BTD: variants seen among roughly 807,000 people sequenced by gnomAD.
The protein encoded by BTD is biocytinase.
In BTD, 13 loss-of-function variants were observed where a neutral mutation model predicts 17.7. That is an observed-to-expected ratio of 0.74 (90% CI 0.48 to 1.17). BTD has a LOEUF of 1.17. Ranked by LOEUF, BTD falls within the 50% of genes most tolerant of loss-of-function variation. The probability of loss-of-function intolerance (pLI) is 0.00; values close to 1 mark genes in which losing one functional copy is unlikely to be tolerated. For synonymous variants in BTD, 240 were observed against 245.2 expected (o/e 0.98, Z 0.20); for missense variants, 674 against 650.4 (o/e 1.04, Z -0.39).
At chr3:15,709,827 A>G in intron 3 of BTD, 1 of 750,126 alleles carries the variant, frequency 1.3e-6, no homozygotes, top group Non-Finnish European at 2.1e-6. Flanking sequence ...GCATGTTTTT[A>G]TATGAAGATA....
chr3:15,696,238 C>T lies in BTD; in HGVS notation c.400-13822C>T, dbSNP rs1339621043. ...TTTGCATCGTTTCTTAATAAGTATT[C>T]CAGGCACCTATATACAACAACAACA... On this transcript the variant is annotated intron_variant, in intron 3 of 3. Transcript: ENST00000672141. The T allele has an allele frequency of 3.2e-6, 5 of 1,568,208 alleles. No individual in the cohort carries two copies. In the South Asian group the frequency reaches 5.8e-5, roughly 18 times the overall value.
rs2064268135 is a variant in BTD at position 15,601,969 on chromosome 3, A to C, written c.-17+75A>C. On this transcript the variant is annotated intron_variant, in intron 1 of 3. Transcript: ENST00000643237. ...GGTCCAGACCCCGCCCCGGGCGCCC[A>C]GTTGGACTTGGGGAGGGCTGCGCAA... 6.9e-6 allele frequency: 11 copies of C among 1,589,656 alleles called. No homozygotes were observed. In the South Asian group the frequency reaches 1.2e-4, roughly 18 times the overall value.
intron 3 of BTD, among the ~76,000 whole-genome samples, chr3:15,702,285 T>A (rs1301033249): frequency 6.6e-6 from 1 of 152,220 alleles, no homozygotes; most frequent in Non-Finnish European, 1.5e-5. Flanking sequence ...GTAAGTTAAC[T>A]AGGGTGCTTA....
At chr3:15,682,612 G>T (rs927566479) in intron 3 of BTD, among the ~76,000 whole-genome samples, 12 of 152,108 alleles carry the variant, frequency 7.9e-5, no homozygotes, top group African/African-American at 2.9e-4. Flanking sequence ...TGAACTTTTA[G>T]TATCTACAGC....
chr3:15,603,062 C>T (rs756497142), intron 1 of BTD, among the ~76,000 whole-genome samples: 1 of 152,126 alleles, frequency 6.6e-6, no homozygotes, highest in Non-Finnish European at 1.5e-5. Context: ...GACTTACTAT[C>T]ATTAGAACAG....
intron 3 of BTD, among the ~76,000 whole-genome samples, chr3:15,701,067 T>C (rs943960368): frequency 2.0e-5 from 3 of 152,204 alleles, no homozygotes; most frequent in Non-Finnish European, 4.4e-5. Context: ...TATTAAAAGT[T>C]TCCAAAATCA....
At chr3:15,625,794 A>T (rs1167075070) in intron 1 of BTD, among the ~76,000 whole-genome samples, 1 of 152,104 alleles carries the variant, frequency 6.6e-6, no homozygotes, top group Non-Finnish European at 1.5e-5. Flanking sequence ...TGACCTCGTG[A>T]TCTGCCTGCC....
chr3:15,708,402 C>A (rs2071758374), intron 3 of BTD, among the ~76,000 whole-genome samples: 1 of 151,984 alleles, frequency 6.6e-6, no homozygotes, highest in Non-Finnish European at 1.5e-5. Flanking sequence ...AAAGTTTCCC[C>A]TACATTAATA....
upstream of BTD, chr3:15,601,542 A>C: frequency 6.2e-6 from 10 of 1,605,546 alleles, no homozygotes; most frequent in Non-Finnish European, 8.5e-6. Context: ...CGAAATCGGC[A>C]GCACGCCACC....
intron 3 of BTD, among the ~76,000 whole-genome samples, chr3:15,682,147 G>C (rs1575121349): frequency 6.6e-6 from 1 of 152,102 alleles, no homozygotes; most frequent in East Asian, 1.9e-4. Flanking sequence ...ATGAAGAGAT[G>C]TACTACTCTT....
intron 3 of BTD, among the ~76,000 whole-genome samples, chr3:15,662,464 G>T (rs751376816): frequency 6.6e-6 from 1 of 152,114 alleles, no homozygotes; most frequent in Non-Finnish European, 1.5e-5. Flanking sequence ...CTTGTATCTT[G>T]CAATACTGGT....
intron 1 of BTD, among the ~76,000 whole-genome samples, chr3:15,602,467 T>C (rs112287506): frequency 1.4e-3 from 217 of 152,356 alleles, no homozygotes; most frequent in African/African-American, 5.1e-3. Context: ...AAAACATTTT[T>C]GTGTGAAAAT....
intron 3 of BTD, among the ~76,000 whole-genome samples, chr3:15,688,927 T>C (rs1201618260): frequency 2.0e-5 from 3 of 152,238 alleles, no homozygotes; most frequent in African/African-American, 7.2e-5. Context: ...GTATCACTTG[T>C]TAAATGAAAG....
At chr3:15,611,714 G>T (rs2064637909) in intron 1 of BTD, among the ~76,000 whole-genome samples, 1 of 151,508 alleles carries the variant, frequency 6.6e-6, no homozygotes, top group African/African-American at 2.4e-5. Flanking sequence ...GGAGGCAGAG[G>T]TTGCAATGAG....
intron 3 of BTD, among the ~76,000 whole-genome samples, chr3:15,666,407 C>CT (rs2065992079): frequency 3.8e-5 from 2 of 53,004 alleles, no homozygotes; most frequent in African/African-American, 1.6e-4. Context: ...CTTCATCTCC[C>CT]CCTTTCCTCA....
At chr3:15,706,350 T>C (rs1226183577) in intron 3 of BTD, among the ~76,000 whole-genome samples, 1 of 130,304 alleles carries the variant, frequency 7.7e-6, no homozygotes, top group Admixed American at 8.1e-5. Flanking sequence ...GTTTGGTTTT[T>C]TGTCCTTGCG....
At chr3:15,642,095 A>C in intron 3 of BTD, 38 bp downstream of exon 3, 2 of 1,612,560 alleles carry the variant, frequency 1.2e-6, no homozygotes, top group Non-Finnish European at 1.7e-6. Flanking sequence ...CTGAGGGTAC[A>C]CAGAGGTGAT....
At chr3:15,675,796 T>C in intron 3 of BTD, 1 of 997,834 alleles carries the variant, frequency 1.0e-6, no homozygotes, top group South Asian at 2.1e-5. Flanking sequence ...ACTTTAGCTC[T>C]CCTCTTTGAC....
At chr3:15,681,717 C>T (rs1279094004) in intron 3 of BTD, among the ~76,000 whole-genome samples, 1 of 152,162 alleles carries the variant, frequency 6.6e-6, no homozygotes, top group African/African-American at 2.4e-5. Flanking sequence ...TTTGTCAGTT[C>T]TTTTCTCTAA....
Sources: allele counts gnomAD v4.1 joint callset (sites outside exome capture counted in the v4.1 genomes callset), GRCh38; gene constraint gnomAD v4.1.1; transcripts MANE v1.5; gene names NCBI Gene and HGNC (gene_info 2026-07-23, HGNC 2026-07-21).